SIK3: variants seen among roughly 807,000 people sequenced by gnomAD.
SIK3 encodes serine/threonine-protein kinase SIK3.
Under a neutral mutation model 144.2 loss-of-function variants are expected in SIK3, and 28 were observed. The ratio of observed to expected loss-of-function variants is 0.19; its 90% CI spans 0.14 to 0.27. The LOEUF (loss-of-function observed/expected upper bound fraction) is 0.27. SIK3 is among the 10% of genes least tolerant of loss of function. The pLI, the probability that SIK3 is intolerant of heterozygous loss-of-function variation, is 1.00. For missense variants in SIK3, 1,319 were observed against 1,776.0 expected (o/e 0.74, Z 4.62); for synonymous variants, 686 against 676.3 (o/e 1.01, Z -0.22).
intron 1 of SIK3, among the ~76,000 whole-genome samples, chr11:117,014,981 T>C (rs187428894): frequency 6.6e-6 from 1 of 152,276 alleles, no homozygotes; most frequent in African/African-American, 2.4e-5. Flanking sequence ...GGAGGATCAC[T>C]TGAGCCCAGG....
intron 15 of SIK3, chr11:116,865,058 A>G (rs939160768): frequency 2.6e-5 from 4 of 152,206 alleles, no homozygotes; most frequent in African/African-American, 9.6e-5. Context: ...AACACAAAAA[A>G]CAAATGAATT....
chr11:117,077,092 G>A (rs768767376), intron 1 of SIK3, among the ~76,000 whole-genome samples: 4 of 152,290 alleles, frequency 2.6e-5, no homozygotes, highest in Middle Eastern at 3.4e-3. Context: ...GGAGTTTGAG[G>A]TGACTGTGAG....
At chr11:117,039,440 A>G (rs543881264) in intron 1 of SIK3, among the ~76,000 whole-genome samples, 33 of 152,308 alleles carry the variant, frequency 2.2e-4, no homozygotes, top group African/African-American at 7.5e-4. Context: ...CAAACCCTAC[A>G]ATTAACTCAG....
intron 1 of SIK3, among the ~76,000 whole-genome samples, chr11:117,097,388 G>A (rs1284999594): frequency 2.6e-5 from 4 of 151,920 alleles, no homozygotes; most frequent in Admixed American, 1.3e-4. Flanking sequence ...CTCCCAAATT[G>A]TTTAACCCCT....
At chr11:117,070,512 T>A (rs1205107349) in intron 1 of SIK3, among the ~76,000 whole-genome samples, 1 of 151,922 alleles carries the variant, frequency 6.6e-6, no homozygotes, top group Non-Finnish European at 1.5e-5. Context: ...AATGGCACGA[T>A]CTCGGCTCAC....
chr11:116,891,267 T>C (rs1945089155), intron 6 of SIK3, among the ~76,000 whole-genome samples: 1 of 152,156 alleles, frequency 6.6e-6, no homozygotes, highest in Non-Finnish European at 1.5e-5. Flanking sequence ...CAGGAAGCTA[T>C]GATCACATCA....
At chr11:117,069,537 G>T (rs1234900361) in intron 1 of SIK3, among the ~76,000 whole-genome samples, 2 of 152,138 alleles carry the variant, frequency 1.3e-5, no homozygotes, top group Admixed American at 1.3e-4. Flanking sequence ...TTAGCAACTG[G>T]TTTGTTCAAA....
At chr11:116,918,032 C>T (rs182293843) in intron 4 of SIK3, among the ~76,000 whole-genome samples, 2 of 152,220 alleles carry the variant, frequency 1.3e-5, no homozygotes, top group Non-Finnish European at 2.9e-5. Flanking sequence ...GAAACTTTGG[C>T]TTTTAATCAT....
chr11:117,025,811 T>C (rs1425111759), intron 1 of SIK3, among the ~76,000 whole-genome samples: 21 of 152,146 alleles, frequency 1.4e-4, no homozygotes, highest in Admixed American at 1.4e-3. Context: ...TAGGTGATTA[T>C]TAACCAAGAT....
rs75113457 is a variant in SIK3, at chr11:116,997,450, T to C, written c.274-40386A>G. Among the ~76,000 whole-genome samples, 793 of 152,350 alleles carry C rather than the reference T, an allele frequency of 5.2e-3. 8 individuals are homozygous for C. Among genetic ancestry groups the C allele is most frequent in the African/African-American group, 0.018 (742 of 41,576 alleles). ...CTACATCTATGTACCGTATTCTATA[T>C]CAAAACACTTTATTCAGTATTATAG... On this transcript the variant is annotated intron_variant, in intron 1 of 24. Transcript: ENST00000445177.
intron 16 of SIK3, among the ~76,000 whole-genome samples, chr11:116,862,707 A>G (rs1389794530): frequency 6.6e-5 from 10 of 152,188 alleles, no homozygotes. Flanking sequence ...GTGCCGTTCC[A>G]TACCACCTGG....
intron 13 of SIK3, among the ~76,000 whole-genome samples, chr11:116,871,556 T>TTAC (rs1943971549): frequency 6.6e-6 from 1 of 152,196 alleles, no homozygotes; most frequent in South Asian, 2.1e-4. Flanking sequence ...AAAAGCCAGC[T>TTAC]TACTCTAGCT....
intron 1 of SIK3, among the ~76,000 whole-genome samples, chr11:117,067,141 A>G (rs1278503537): frequency 6.6e-6 from 1 of 152,110 alleles, no homozygotes; most frequent in Non-Finnish European, 1.5e-5. Flanking sequence ...TTAAACATAA[A>G]CCTACCAACC....
chr11:117,046,914 T>C (rs1293632630), intron 1 of SIK3, among the ~76,000 whole-genome samples: 2 of 151,922 alleles, frequency 1.3e-5, no homozygotes, highest in Non-Finnish European at 2.9e-5. Context: ...CCCTACTGTA[T>C]CACTAATTCC....
chr11:116,932,766 A>G (rs926325559), intron 3 of SIK3, among the ~76,000 whole-genome samples: 6 of 152,118 alleles, frequency 3.9e-5, no homozygotes, highest in African/African-American at 1.4e-4. Context: ...AGAATCATAC[A>G]GTCGGCGACC....
chr11:117,012,909 C>G (rs937277472), intron 1 of SIK3, among the ~76,000 whole-genome samples: 1 of 129,318 alleles, frequency 7.7e-6, no homozygotes, highest in Admixed American at 9.4e-5. Context: ...TGGAGTGCAG[C>G]GGCGTGATCT....
intron 1 of SIK3, among the ~76,000 whole-genome samples, chr11:117,051,187 T>A (rs540825241): frequency 1.3e-5 from 2 of 152,322 alleles, no homozygotes; most frequent in East Asian, 3.9e-4. Flanking sequence ...CTTCTCCCAC[T>A]CTTGGACATC....
intron 1 of SIK3, among the ~76,000 whole-genome samples, chr11:117,076,045 C>T (rs1212023870): frequency 1.3e-5 from 2 of 151,496 alleles, no homozygotes; most frequent in African/African-American, 4.9e-5. Flanking sequence ...GACGGGGTTT[C>T]ACCATGTTGG....
intron 1 of SIK3, among the ~76,000 whole-genome samples, chr11:117,029,426 T>C (rs1478511792): frequency 6.6e-6 from 1 of 152,070 alleles, no homozygotes; most frequent in East Asian, 1.9e-4. Context: ...CACTGCACTC[T>C]AGCCTGAGCA....
Sources: gnomAD v4.1 joint callset for allele counts (sites outside exome capture counted in the v4.1 genomes callset) on GRCh38, gnomAD v4.1.1 for gene constraint, MANE v1.5 for transcripts, NCBI Gene and HGNC (gene_info 2026-07-23, HGNC 2026-07-21) for gene names.